PCDHA1: variants seen among roughly 807,000 people sequenced by gnomAD.
PCDHA1 encodes the protein protocadherin alpha-1.
PCDHA1 carries 42 observed loss-of-function variants against 61.3 expected under a neutral mutation model. The ratio of observed to expected loss-of-function variants is 0.69; its 90% CI spans 0.54 to 0.89. The LOEUF is 0.89. PCDHA1 is among the 40% of genes least tolerant of loss of function. PCDHA1 has a pLI of 0.00. For missense variants in PCDHA1, 1,256 were observed against 1,235.3 expected (o/e 1.02, Z -0.25); for synonymous variants, 610 against 553.8 (o/e 1.10, Z -1.43).
In PCDHA1 at chr5:140,968,804, G is replaced by T. The variant is rs147800392; in HGVS notation, c.2395-10145G>T. ...AGCCTCTGTGGCCATTACAGTAGCT[G>T]TGGTGGATAGGGTTTCCAAAATCCT... On this transcript the variant is annotated intron_variant, in intron 1 of 3. Transcript: ENST00000504120. 703 of 1,614,106 alleles carry T rather than the reference G, an allele frequency of 4.4e-4. No homozygotes were observed. The highest frequency in any genetic ancestry group is 5.7e-4 in the Non-Finnish European group (677 of 1,180,052).
chr5:140,976,702 A>G (rs782610534), intron 1 of PCDHA1, among the ~76,000 whole-genome samples: 2 of 152,220 alleles, frequency 1.3e-5, no homozygotes, highest in Non-Finnish European at 2.9e-5. Context: ...AATAATGTTG[A>G]CTTTGCATTA....
At chr5:140,950,073 G>T (rs2094447306) in intron 1 of PCDHA1, among the ~76,000 whole-genome samples, 1 of 151,672 alleles carries the variant, frequency 6.6e-6, no homozygotes, top group Non-Finnish European at 1.5e-5. Flanking sequence ...CTGTGCCATT[G>T]CTTATGCTAT....
Position 140,830,107 on chromosome 5 carries a change from T to C in PCDHA1, c.2394+41423T>C, listed in dbSNP as rs2150181234. The C allele has an allele frequency of 3.1e-6, 5 of 1,612,600 alleles. No homozygotes were observed. The East Asian group carries it at 6.7e-5, about 22-fold the overall frequency. On this transcript the variant is annotated intron_variant, in intron 1 of 3. Transcript: ENST00000504120. ...CGGTTCTGGTGTCGCTGGTGGAGAG[T>C]GGCCAGGCTCCAAAGGCGTCATCAC... is the stretch of plus-strand genomic sequence containing the variant.
chr5:140,875,698 G>C (rs2055722414), intron 1 of PCDHA1: 1 of 1,614,084 alleles, frequency 6.2e-7, no homozygotes, highest in African/African-American at 1.3e-5. Context: ...GGACCTTCTG[G>C]AGGTAAATCT....
intron 1 of PCDHA1, chr5:140,827,943 A>G (rs1212909516): frequency 3.0e-5 from 36 of 1,183,776 alleles, no homozygotes; most frequent in Non-Finnish European, 3.8e-5. Context: ...TAGCTAGCCA[A>G]CATTCAAATT....
intron 1 of PCDHA1, among the ~76,000 whole-genome samples, chr5:140,978,737 G>A (rs2096820627): frequency 6.6e-6 from 1 of 152,180 alleles, no homozygotes; most frequent in Admixed American, 6.5e-5. Context: ...GGTCTTCCAG[G>A]GTATCTAATC....
chr5:141,009,003 A>G (rs782499793), intron 3 of PCDHA1, among the ~76,000 whole-genome samples: 16 of 152,220 alleles, frequency 1.1e-4, no homozygotes, highest in Non-Finnish European at 1.5e-4. Flanking sequence ...AAAGGAGCAT[A>G]TTTTGCCTTT....
intron 1 of PCDHA1, among the ~76,000 whole-genome samples, chr5:140,831,498 C>T (rs2150195161): frequency 1.8e-5 from 2 of 108,406 alleles, no homozygotes; most frequent in Non-Finnish European, 3.8e-5. Flanking sequence ...TTACTACACA[C>T]GAGCACCACC....
chr5:140,834,797 G>T lies in PCDHA1; in HGVS notation c.2394+46113G>T, dbSNP rs782512269. The T allele has an allele frequency of 3.1e-6, 5 of 1,612,908 alleles. No individual in the cohort carries two copies. The South Asian group carries it at 5.5e-5, about 18-fold the overall frequency. ...CTCCGGTGTTCCCAGCGACACAAAG[G>T]AATCTGTTCATCGCGGAATCCAGGC... On this transcript the variant is annotated intron_variant, in intron 1 of 3. Transcript: ENST00000504120.
intron 1 of PCDHA1, chr5:140,796,067 T>A (rs1210866356): frequency 6.2e-7 from 1 of 1,614,224 alleles, no homozygotes; most frequent in African/African-American, 1.3e-5. Flanking sequence ...CTGGGCACTG[T>A]CATTGCTCTC....
At chr5:140,857,314 G>C in intron 1 of PCDHA1, 1 of 1,598,746 alleles carries the variant, frequency 6.3e-7, no homozygotes, top group Non-Finnish European at 8.6e-7. Flanking sequence ...CCTATGAGCT[G>C]GTGGTGACCG....
intron 3 of PCDHA1, among the ~76,000 whole-genome samples, chr5:140,985,991 A>G (rs575854221): frequency 2.7e-4 from 41 of 152,022 alleles, no homozygotes; most frequent in African/African-American, 9.2e-4. Context: ...CGCCCACCTC[A>G]GCCTCCCAAA....
chr5:140,805,893 C>T (rs987630625), intron 1 of PCDHA1, among the ~76,000 whole-genome samples: 4 of 152,102 alleles, frequency 2.6e-5, no homozygotes, highest in Non-Finnish European at 4.4e-5. Flanking sequence ...AGGAAGCAAA[C>T]ATTTTCTGCA....
intron 3 of PCDHA1, chr5:140,989,054 A>G (rs1481333744): frequency 6.6e-6 from 1 of 152,214 alleles, no homozygotes; most frequent in African/African-American, 2.4e-5. Flanking sequence ...TGCCAGCTAC[A>G]TTGAGGCAAT....
intron 1 of PCDHA1, among the ~76,000 whole-genome samples, chr5:140,976,067 T>C (rs1554237245): frequency 6.6e-6 from 1 of 152,218 alleles, no homozygotes; most frequent in Non-Finnish European, 1.5e-5. Flanking sequence ...ATATATGTCT[T>C]ACTGTGTCAG....
chr5:141,001,130 T>C (rs1233424080), intron 3 of PCDHA1, among the ~76,000 whole-genome samples: 1 of 152,036 alleles, frequency 6.6e-6, no homozygotes, highest in African/African-American at 2.4e-5. Context: ...CTTAAACAAA[T>C]GAATCTTCTG....
At chr5:140,813,135 G>A (rs1765233097) in intron 1 of PCDHA1, 1 of 152,140 alleles carries the variant, frequency 6.6e-6, no homozygotes, top group Admixed American at 6.5e-5. Context: ...GGAATTTTCT[G>A]TATATGTCTG....
intron 1 of PCDHA1, chr5:140,825,614 G>A (rs1415986913): frequency 6.6e-6 from 1 of 151,662 alleles, no homozygotes; most frequent in Non-Finnish European, 1.5e-5. Flanking sequence ...TAGAGACGGG[G>A]TTTCACCATG....
intron 1 of PCDHA1, among the ~76,000 whole-genome samples, chr5:140,832,941 C>T (rs1455354845): frequency 6.6e-6 from 1 of 152,044 alleles, no homozygotes; most frequent in Non-Finnish European, 1.5e-5. Flanking sequence ...AAGAGAGTAA[C>T]TTAAGTGAGT....
Sources: gnomAD v4.1 joint callset for allele counts (sites outside exome capture counted in the v4.1 genomes callset) on GRCh38, gnomAD v4.1.1 for gene constraint, MANE v1.5 for transcripts, NCBI Gene and HGNC (gene_info 2026-07-23, HGNC 2026-07-21) for gene names.